The following FLI1 variants were observed in gnomAD, a reference collection of about 807,000 sequenced individuals.
The protein encoded by FLI1 is Fli-1 proto-oncogene, ETS transcription factor.
Under a neutral mutation model 53.1 loss-of-function variants are expected in FLI1, and 13 were observed. The ratio of observed to expected loss-of-function variants is 0.24; its 90% confidence interval spans 0.16 to 0.39. The LOEUF (loss-of-function observed/expected upper bound fraction) is 0.39. FLI1 is among the 10% of genes least tolerant of loss of function. The probability of loss-of-function intolerance (pLI) is 1.00; values close to 1 mark genes in which losing one functional copy is unlikely to be tolerated. For synonymous variants in FLI1, 244 were observed against 236.7 expected, an observed-to-expected ratio of 1.03 and a Z score of -0.28; for missense variants, 424 against 600.5, an observed-to-expected ratio of 0.71 and a Z score of 3.07.
intron 1 of FLI1, among the ~76,000 whole-genome samples, chr11:128,737,279 G>C (rs900274109): frequency 1.2e-4 from 19 of 152,126 alleles, no homozygotes; most frequent in Non-Finnish European, 2.9e-5. Context: ...CCACACTATT[G>C]TCAGGCCTCC....
At chr11:128,772,633 G>T in intron 3 of FLI1, 149 bp from the exon 4 acceptor site, 1 of 678,258 alleles carries the variant, frequency 1.5e-6, no homozygotes, top group Non-Finnish European at 2.6e-6. Flanking sequence ...AGCCTGATGA[G>T]TGTTCTAGGG....
intron 5 of FLI1, among the ~76,000 whole-genome samples, chr11:128,803,595 T>C (rs1942694919): frequency 1.3e-5 from 2 of 152,188 alleles, no homozygotes; most frequent in Admixed American, 6.5e-5. Flanking sequence ...ATGACCCGTG[T>C]TTCCTCACAA....
chr11:128,692,728 T>C (rs889097504), upstream of FLI1: 1 of 152,348 alleles, frequency 6.6e-6, no homozygotes, highest in African/African-American at 2.4e-5. Context: ...GGATTTTTTT[T>C]CCCTCTTTCC....
At chr11:128,728,930 A>C (rs1939586840) in intron 1 of FLI1, among the ~76,000 whole-genome samples, 1 of 152,220 alleles carries the variant, frequency 6.6e-6, no homozygotes, top group African/African-American at 2.4e-5. Flanking sequence ...ACCGCCAGAG[A>C]CACACCCTTC....
In FLI1 at chr11:128,742,818, C is replaced by T. The variant is rs74816948; in HGVS notation, c.19-15297C>T. On this transcript the variant is annotated intron_variant, in intron 1 of 8. Coordinates refer to ENST00000527786, the MANE Select transcript of FLI1 (RefSeq NM_002017.5). Reference sequence around the variant, plus strand: ...TTTAAGATTGATGCTGACGAGTATGCATTTGTTGGTTTTACGTGGAATCGT... The same window carrying T: ...TTTAAGATTGATGCTGACGAGTATGTATTTGTTGGTTTTACGTGGAATCGT... Among the ~76,000 whole-genome samples, 368 of 152,290 alleles carry T rather than the reference C, an allele frequency of 2.4e-3. 1 individual carries two copies. The highest frequency in any genetic ancestry group is 8.4e-3 in the African/African-American group (350 of 41,562).
intron 5 of FLI1, chr11:128,804,570 T>G (rs911703896): frequency 1.3e-5 from 2 of 152,202 alleles, no homozygotes; most frequent in Non-Finnish European, 2.9e-5. Flanking sequence ...AAGCCCTTAG[T>G]CATGCCCAGG....
rs529765440 is a variant in FLI1 at position 128,745,873 on chromosome 11, C to T, written c.19-12242C>T. On this transcript the variant is annotated intron_variant, in intron 1 of 8. Transcript: ENST00000527786. ...CATATGCATGTTTCCTCGTGGGCTC[C>T]CTGTGATTGTAAGGGCCCCGGTTAC... Among the ~76,000 whole-genome samples the T allele has an allele frequency of 2.0e-5, 3 of 152,274 alleles. No homozygotes were observed. In the South Asian group the frequency reaches 6.2e-4, roughly 32 times the overall value.
At chr11:128,788,116 T>C (rs1942155275) in intron 5 of FLI1, among the ~76,000 whole-genome samples, 1 of 152,072 alleles carries the variant, frequency 6.6e-6, no homozygotes, top group African/African-American at 2.4e-5. Flanking sequence ...GTTTACCAGA[T>C]GTTAACACCG....
chr11:128,687,836 G>A (rs1363420135), intron 1 of FLI1, among the ~76,000 whole-genome samples: 1 of 152,034 alleles, frequency 6.6e-6, no homozygotes, highest in Non-Finnish European at 1.5e-5. Flanking sequence ...TAGAGGCTTG[G>A]CCCAAAAAGG....
intron 1 of FLI1, among the ~76,000 whole-genome samples, chr11:128,733,789 G>A (rs569811744): frequency 6.6e-5 from 10 of 152,346 alleles, no homozygotes; most frequent in African/African-American, 2.2e-4. Flanking sequence ...CACTTTGGCT[G>A]CCTCCCTTCC....
At chr11:128,687,324 G>A (rs972110485) in intron 1 of FLI1, among the ~76,000 whole-genome samples, 1 of 152,078 alleles carries the variant, frequency 6.6e-6, no homozygotes, top group Non-Finnish European at 1.5e-5. Context: ...CTGAAGCTGG[G>A]ACACCTGGGT....
chr11:128,718,300 G>C (rs560478170), intron 1 of FLI1, among the ~76,000 whole-genome samples: 1 of 152,318 alleles, frequency 6.6e-6, no homozygotes, highest in South Asian at 2.1e-4. Flanking sequence ...AGCTCCTGCC[G>C]TCACTAGATG....
At chr11:128,709,116 TTCGGTCAGA>T (rs1938679880) in intron 1 of FLI1, among the ~76,000 whole-genome samples, 1 of 152,222 alleles carries the variant, frequency 6.6e-6, no homozygotes, top group Non-Finnish European at 1.5e-5. Context: ...TTGTGTGGTC[TTCGGTCAGA>T]TAATAACTTC....
intron 5 of FLI1, among the ~76,000 whole-genome samples, chr11:128,794,648 A>G (rs943671016): frequency 5.3e-5 from 8 of 152,380 alleles, no homozygotes; most frequent in Middle Eastern, 3.4e-3. Flanking sequence ...CTAAGATAAT[A>G]AAGAGCATAT....
At chr11:128,711,990 T>C (rs1425335709) in intron 1 of FLI1, among the ~76,000 whole-genome samples, 1 of 152,208 alleles carries the variant, frequency 6.6e-6, no homozygotes, top group Non-Finnish European at 1.5e-5. Context: ...TTCTCTCCAA[T>C]GAGTATTCCC....
intron 5 of FLI1, among the ~76,000 whole-genome samples, chr11:128,787,864 TG>T (rs1942141422): frequency 6.8e-6 from 1 of 146,550 alleles, no homozygotes; most frequent in East Asian, 2.0e-4. Flanking sequence ...TGGAGTGCGG[TG>T]GCGTGATCTC....
intron 5 of FLI1, among the ~76,000 whole-genome samples, chr11:128,790,337 C>G (rs566941312): frequency 4.0e-4 from 59 of 146,434 alleles, no homozygotes; most frequent in Non-Finnish European, 6.4e-4. Context: ...CAGAGAGAAA[C>G]AGAGATCGGG....
At chr11:128,747,160 G>A (rs777557046) in intron 1 of FLI1, among the ~76,000 whole-genome samples, 3 of 152,240 alleles carry the variant, frequency 2.0e-5, no homozygotes, top group Non-Finnish European at 1.5e-5. Context: ...CAAGACAGCA[G>A]CCCATTGTCT....
chr11:128,778,177 AACTT>A (rs1941800639), intron 4 of FLI1, among the ~76,000 whole-genome samples: 1 of 152,208 alleles, frequency 6.6e-6, no homozygotes, highest in Admixed American at 6.5e-5. Context: ...CATATACAGA[AACTT>A]ACAAATAACC....
Sources: gnomAD v4.1 joint callset for allele counts (sites outside exome capture counted in the v4.1 genomes callset) on GRCh38, gnomAD v4.1.1 for gene constraint, MANE v1.5 for transcripts, NCBI Gene and HGNC (gene_info 2026-07-23, HGNC 2026-07-21) for gene names.